The following GLMP variants were observed in gnomAD, a reference collection of about 807,000 sequenced individuals.
GLMP encodes the protein glycosylated lysosomal membrane protein, also known as kidney lysosomal membrane protein.
GLMP carries 36 observed loss-of-function variants against 39.2 expected under a neutral mutation model. That is an observed-to-expected ratio of 0.92 (90% confidence interval 0.70 to 1.21). The LOEUF (loss-of-function observed/expected upper bound fraction) is 1.21. GLMP is among the 50% of genes most tolerant of loss of function. The pLI is 0.00. For synonymous variants in GLMP, 220 were observed against 218.9 expected (o/e 1.01, Z -0.04); for missense variants, 454 against 505.6 (o/e 0.90, Z 0.98).
At chr1:156,293,708 C>T in intron 4 of GLMP, 132 bp from the exon 5 acceptor site, 1 of 1,553,676 alleles carries the variant, frequency 6.4e-7, no homozygotes, top group Non-Finnish European at 8.7e-7. Flanking sequence ...CTCAATCCCT[C>T]CTCTGTAAAA....
At position 156,294,968 on chromosome 1, in the gene GLMP, G is replaced by C. The variant is rs773313230; in HGVS notation, c.169C>G (p.Leu57Val). Residue 57 changes from leucine (L) to valine (V), a missense_variant, in exon 2 of 6, where the codon CTT becomes GTT. Coordinates refer to ENST00000362007, the MANE Select transcript of GLMP (RefSeq NM_144580.3). ...TTGGTGCCCACTGCCCGTATATGAA[G>C]CAGGTTCTGCAGGGGGCCCAGCCAG... ...PNWLGPLQNL[L>V]HIRAVGTNST... 6.3e-7 allele frequency: 1 copy of C among 1,594,160 alleles called. No individual in the cohort carries two copies. Among genetic ancestry groups the C allele is most frequent in the African/African-American group, 1.3e-5 (1 of 74,254 alleles).
At chr1:156,295,336 A>T (rs1284524880) in intron 1 of GLMP, 190 bp downstream of exon 1, 2 of 1,372,738 alleles carry the variant, frequency 1.5e-6, no homozygotes, top group East Asian at 5.7e-5. Flanking sequence ...GGGTCCAGAC[A>T]TCACCCTCAC....
At chr1:156,293,626 G>C (rs758089275) in intron 4 of GLMP, 50 bp from the exon 5 acceptor site, 1 of 1,608,860 alleles carries the variant, frequency 6.2e-7, no homozygotes, top group Non-Finnish European at 8.5e-7. Context: ...ACCTGTGCCC[G>C]ACCCTCTTTT....
chr1:156,295,087 G>A, intron 1 of GLMP, 71 bp from the exon 2 acceptor site: 1 of 1,252,508 alleles, frequency 8.0e-7, no homozygotes, highest in South Asian at 1.6e-5. Context: ...AGAAGCTTGA[G>A]GGGAGGGGGG....
In GLMP at chr1:156,293,634, T is replaced by C. The variant is rs529205131; in HGVS notation, c.799-58A>G. 1.9e-6 allele frequency: 3 copies of C among 1,604,960 alleles called. No homozygotes were observed. The South Asian group carries it at 3.3e-5, about 18-fold the overall frequency. ...AGGACCAACCTGTGCCCGACCCTCT[T>C]TTCCTTGCCACTCCCAGCCTTATTC... On this transcript the variant is annotated intron_variant, in intron 4 of 5. Transcript: ENST00000362007.
chr1:156,295,647 C>T lies in GLMP; in HGVS notation c.-2G>A, dbSNP rs758095588. ...GGTGCACTCCACAGAGCCGCGCATA[C>T]GGCCGCAATTCAGCCGACGGAAGAG... On this transcript the variant is annotated 5_prime_UTR_variant, in exon 1 of 6. Coordinates refer to ENST00000362007, the MANE Select transcript of GLMP (RefSeq NM_144580.3). The T allele has an allele frequency of 5.8e-6, 9 of 1,551,956 alleles. No individual in the cohort carries two copies. The highest frequency in any genetic ancestry group is 2.4e-5 in the South Asian group (2 of 84,368).
Position 156,292,857 on chromosome 1 carries a change from C to T in GLMP, c.*187G>A. On this transcript the variant is annotated 3_prime_UTR_variant, in exon 6 of 6. Coordinates refer to ENST00000362007, the MANE Select transcript of GLMP (RefSeq NM_144580.3). ...CCTGTCCCCTGCCCGCCTCCAAAGT[C>T]CCCCAACAAAGTATGAAGGAAGCCC... is the stretch of plus-strand genomic sequence containing the variant. 1 of 693,940 alleles carries T rather than the reference C, an allele frequency of 1.4e-6. No homozygotes were observed. Among genetic ancestry groups the T allele is most frequent in the Non-Finnish European group, 2.3e-6 (1 of 426,808 alleles). 43.0% of individuals were successfully genotyped at this position (693,940 alleles called of 1,614,324 possible). A position where few individuals can be genotyped will look rare whatever the true frequency, so the allele number is the denominator to read the frequency against.
Position 156,294,340 on chromosome 1 carries a change from C to T in GLMP, c.579+25G>A, listed in dbSNP as rs775228458. ...ACCCTCACAAATCAGCCTTTTTGAGCTCTTTCCGATTTCTCACGCCTTACC... is the reference window on the plus strand; with the variant it reads ...ACCCTCACAAATCAGCCTTTTTGAGTTCTTTCCGATTTCTCACGCCTTACC... On this transcript the variant is annotated intron_variant, in intron 3 of 5. Coordinates refer to ENST00000362007, the MANE Select transcript of GLMP (RefSeq NM_144580.3). 6 of 1,612,958 alleles carry T rather than the reference C, an allele frequency of 3.7e-6. No individual in the cohort carries two copies. The Admixed American group carries it at 1.0e-4, about 27-fold the overall frequency.
rs756591257 is a variant in GLMP at position 156,293,501 on chromosome 1, C to T, written c.874G>A (p.Gly292Arg). ...CAGGGCAGGGCTGATTCTCGGCCCC[C>T]CGGCTTCTGGGAGTAAGCCACTGGT... ...WRPVAYSQKP[G>R]GRESALPCQA... The change falls in exon 5 of 6, where the codon GGG (glycine) becomes AGG (arginine). Residue 292 changes from glycine to arginine, a missense_variant. By Grantham distance (125) the Gly-to-Arg change is moderately radical. Coordinates refer to ENST00000362007, the MANE Select transcript of GLMP (RefSeq NM_144580.3). The T allele has an allele frequency of 3.8e-5, 62 of 1,614,082 alleles. No homozygotes were observed. Among genetic ancestry groups the T allele is most frequent in the Admixed American group, 1.8e-4 (11 of 60,000 alleles).
chr1:156,294,600 C>T, intron 2 of GLMP, 35 bp from the exon 3 acceptor site: 1 of 1,610,772 alleles, frequency 6.2e-7, no homozygotes, highest in Middle Eastern at 1.7e-4. Flanking sequence ...CTGGGCTTGC[C>T]TCAGTTTTTC....
In GLMP at chr1:156,294,945, G is replaced by A; in HGVS notation, c.192C>T (p.Thr64=). 1.9e-6 allele frequency: 3 copies of A among 1,603,952 alleles called. No individual in the cohort carries two copies. The highest frequency in any genetic ancestry group is 1.1e-5 in the South Asian group (1 of 90,740). ...QNLLHIRAVG[T]NSTLHYVWSS... The stretch of plus-strand genomic sequence containing the variant: ...TCCACACATAGTGCAGTGTGGAATT[G>A]GTGCCCACTGCCCGTATATGAAGCA... The change falls in exon 2 of 6, where the codon ACC becomes ACT. Residue 64 remains threonine, a synonymous_variant. Transcript: ENST00000362007.
chr1:156,292,950 G>A lies in GLMP; in HGVS notation c.*94C>T. ...CCACAGAAAAGCAAGATGGGGGAGTGAAGGGGCCGGCTGGAACTTGATGCT... is the reference window on the plus strand; with the variant it reads ...CCACAGAAAAGCAAGATGGGGGAGTAAAGGGGCCGGCTGGAACTTGATGCT... On this transcript the variant is annotated 3_prime_UTR_variant, in exon 6 of 6. Transcript: ENST00000362007. 1 of 1,483,642 alleles carries A rather than the reference G, an allele frequency of 6.7e-7. No homozygotes were observed. Among genetic ancestry groups the A allele is most frequent in the South Asian group, 1.3e-5 (1 of 75,142 alleles). The allele number at this position is 1,483,642 out of a possible 1,614,324, so 91.9% of individuals were successfully genotyped here. A position where few individuals can be genotyped will look rare whatever the true frequency, so the allele number is the denominator to read the frequency against.
Position 156,294,872 on chromosome 1 carries a change from G to C in GLMP, c.265C>G (p.His89Asp), listed in dbSNP as rs773325192. 4 of 1,611,878 alleles carry C rather than the reference G, an allele frequency of 2.5e-6. No individual in the cohort carries two copies. The highest frequency in any genetic ancestry group is 1.7e-5 in the Admixed American group (1 of 59,766). ...AVVMVATNTP[H>D]STLSVNWSLL... ...CTCCAGTTGACGCTCAGGGTGCTGT[G>C]GGGGGTGTTGGTGGCCACCATTACC... The change falls in exon 2 of 6, where the codon CAC (histidine) becomes GAC (aspartate). Residue 89 changes from histidine to aspartate, a missense_variant. Transcript: ENST00000362007.
In GLMP at chr1:156,294,169, C is replaced by G. The variant is rs1358999147; in HGVS notation, c.647G>C (p.Cys216Ser). 1 of 1,614,086 alleles carries G rather than the reference C, an allele frequency of 6.2e-7. No individual in the cohort carries two copies. The highest frequency in any genetic ancestry group is 1.1e-5 in the South Asian group (1 of 91,082). The change falls in exon 4 of 6, where the codon TGT becomes TCT. Residue 216 changes from cysteine to serine, a missense_variant. Transcript: ENST00000362007. Reference sequence around the variant, plus strand: ...TCCAATCAGGGCCACCTCTAGCTGACAGGTGTCTGCTGTGTGCAGGAGGCG... The same window carrying G: ...TCCAATCAGGGCCACCTCTAGCTGAGAGGTGTCTGCTGTGTGCAGGAGGCG... Reference protein sequence around the residue: ...PPRLLHTADTCQLEVALIGAS... With the variant: ...PPRLLHTADTSQLEVALIGAS...
At position 156,294,100 on chromosome 1, in the gene GLMP, G is replaced by C. The variant is rs1271597864; in HGVS notation, c.716C>G (p.Ala239Gly). Residue 239 changes from alanine to glycine, a missense_variant, in exon 4 of 6, where the codon GCC (alanine) becomes GGC (glycine). Coordinates refer to ENST00000362007, the MANE Select transcript of GLMP (RefSeq NM_144580.3). ...GNRSLFGLEV[A>G]TLGQGPDCPS... ...GCAGTCAGGGCCCTGGCCCAATGTGGCTACCTCCAGCCCAAACAGGGAACG... is the reference window on the plus strand; with the variant it reads ...GCAGTCAGGGCCCTGGCCCAATGTGCCTACCTCCAGCCCAAACAGGGAACG... 5.6e-6 allele frequency: 9 copies of C among 1,614,066 alleles called. No individual in the cohort carries two copies. The highest frequency in any genetic ancestry group is 1.3e-5 in the African/African-American group (1 of 74,922).
At position 156,292,918 on chromosome 1, in the gene GLMP, T is replaced by C. The variant is rs113365142; in HGVS notation, c.*126A>G. Reference sequence around the variant, plus strand: ...TCTCCAGGAAGTCGAGGCTGGCCTCTGAGGTTCCACAGAAAAGCAAGATGG... The same window carrying C: ...TCTCCAGGAAGTCGAGGCTGGCCTCCGAGGTTCCACAGAAAAGCAAGATGG... On this transcript the variant is annotated 3_prime_UTR_variant, in exon 6 of 6. Transcript: ENST00000362007. 0.014 allele frequency: 18,589 copies of C among 1,307,486 alleles called. 167 individuals are homozygous for C. Among genetic ancestry groups the C allele is most frequent in the Middle Eastern group, 0.023 (83 of 3,606 alleles). The allele number at this position is 1,307,486 out of a possible 1,614,324, so 81.0% of individuals were successfully genotyped here.
At position 156,293,503 on chromosome 1, in the gene GLMP, G is replaced by A. The variant is rs770415735; in HGVS notation, c.872C>T (p.Pro291Leu). The stretch of plus-strand genomic sequence containing the variant: ...GGGCAGGGCTGATTCTCGGCCCCCC[G>A]GCTTCTGGGAGTAAGCCACTGGTCG... ...QWRPVAYSQK[P>L]GGRESALPCQ... Residue 291 changes from proline to leucine, a missense_variant, in exon 5 of 6, where the codon CCG (proline) becomes CTG (leucine). Transcript: ENST00000362007. The A allele has an allele frequency of 3.7e-6, 6 of 1,614,172 alleles. No individual in the cohort carries two copies. The highest frequency in any genetic ancestry group is 1.3e-5 in the African/African-American group (1 of 75,052).
rs1304939340 is a variant in GLMP, at chr1:156,295,533, G to T, written c.113C>A (p.Thr38Asn). ...TAGCCCCAGGGCCCTCACCTGGCGG[G>T]TCTTCTCCCCCAGCAGGCCAAATGG... ...AAPFGLLGEKTRQVSLEVIPN... is the reference protein window; with the variant it reads ...AAPFGLLGEKNRQVSLEVIPN... The change falls in exon 1 of 6, where the codon ACC (threonine) becomes AAC (asparagine). Residue 38 changes from threonine to asparagine, a missense_variant. Coordinates refer to ENST00000362007, the MANE Select transcript of GLMP (RefSeq NM_144580.3). 6.6e-7 allele frequency: 1 copy of T among 1,522,350 alleles called. No homozygotes were observed. The highest frequency in any genetic ancestry group is 1.2e-5 in the South Asian group (1 of 80,456). The allele number at this position is 1,522,350 out of a possible 1,614,324, so 94.3% of individuals were successfully genotyped here.
Position 156,293,130 on chromosome 1 carries a change from C to T in GLMP, c.1135G>A (p.Gly379Ser), listed in dbSNP as rs369024147. The T allele has an allele frequency of 1.9e-6, 3 of 1,614,082 alleles. No individual in the cohort carries two copies. Among genetic ancestry groups the T allele is most frequent in the Admixed American group, 1.7e-5 (1 of 60,022 alleles). ...LVLGIMAVAL[G>S]APGLMLLGGG... is the part of the protein sequence containing the mutation. Reference sequence around the variant, plus strand: ...CCTAGCAGCATGAGCCCTGGGGCACCCAGGGCCACTGCCATGATGCCCAGG... The same window carrying T: ...CCTAGCAGCATGAGCCCTGGGGCACTCAGGGCCACTGCCATGATGCCCAGG... Residue 379 changes from glycine to serine, a missense_variant, in exon 6 of 6, where the codon GGT becomes AGT. Gly to Ser is a moderately conservative substitution (Grantham distance 56, BLOSUM62 0). Transcript: ENST00000362007.
Sources: allele counts gnomAD v4.1 joint callset, GRCh38; gene constraint gnomAD v4.1.1; transcripts MANE v1.5; gene names NCBI Gene and HGNC (gene_info 2026-07-23, HGNC 2026-07-21).